PRKCA: variants seen among roughly 807,000 people sequenced by gnomAD.
The protein encoded by PRKCA is protein kinase C alpha, also known as protein kinase C alpha type.
In PRKCA, 27 loss-of-function variants were observed where a neutral mutation model predicts 87.0. That is an observed-to-expected ratio of 0.31 (90% CI 0.23 to 0.43). The LOEUF is 0.43. Ranked by LOEUF, PRKCA falls within the 20% of genes least tolerant of loss-of-function variation. The pLI, the probability that PRKCA is intolerant of heterozygous loss-of-function variation, is 1.00. For synonymous variants in PRKCA, 329 were observed against 311.1 expected, an observed-to-expected ratio of 1.06 and a Z score of -0.61; for missense variants, 518 against 852.3, an observed-to-expected ratio of 0.61 and a Z score of 4.88.
rs922560474 is a variant in PRKCA at position 66,312,309 on chromosome 17, G to A, written c.205+6182G>A. ...AGTTTCCTTTTCTTTACATTTTTTGGTGGTTTCCTGCCCTCCGAGTATTTC... is the reference window on the plus strand; with the variant it reads ...AGTTTCCTTTTCTTTACATTTTTTGATGGTTTCCTGCCCTCCGAGTATTTC... On this transcript the variant is annotated intron_variant, in intron 2 of 16. Coordinates refer to ENST00000413366, the MANE Select transcript of PRKCA (RefSeq NM_002737.3). Among the ~76,000 whole-genome samples the A allele has an allele frequency of 1.1e-4, 17 of 152,200 alleles. No homozygotes were observed. The East Asian group carries it at 3.3e-3, about 29-fold the overall frequency.
intron 3 of PRKCA, among the ~76,000 whole-genome samples, chr17:66,530,831 ATAT>A (rs1042191045): frequency 6.6e-6 from 1 of 151,662 alleles, no homozygotes; most frequent in Non-Finnish European, 1.5e-5. Flanking sequence ...AGAGGTGGTA[ATAT>A]TGGGGCAAGT....
chr17:66,442,821 A>G (rs1030546036), intron 2 of PRKCA, among the ~76,000 whole-genome samples: 19 of 152,160 alleles, frequency 1.2e-4, no homozygotes, highest in African/African-American at 4.6e-4. Flanking sequence ...GCCTTTTCTT[A>G]CATACATGGA....
chr17:66,447,237 G>A (rs1914078519), intron 2 of PRKCA, among the ~76,000 whole-genome samples: 1 of 152,164 alleles, frequency 6.6e-6, no homozygotes, highest in Admixed American at 6.5e-5. Context: ...GTGACAGAGT[G>A]AGAGAGGCCT....
chr17:66,757,293 A>G (rs934922066), intron 13 of PRKCA, among the ~76,000 whole-genome samples: 1 of 152,120 alleles, frequency 6.6e-6, no homozygotes, highest in Admixed American at 6.5e-5. Flanking sequence ...TGCCCTGGGA[A>G]CACTGGAAGG....
At chr17:66,666,828 TC>T (rs1045330057) in intron 5 of PRKCA, among the ~76,000 whole-genome samples, 9 of 151,578 alleles carry the variant, frequency 5.9e-5, no homozygotes, top group South Asian at 2.1e-4. Context: ...ACCCTTTGAA[TC>T]CCCCCCCCAC....
At chr17:66,456,788 A>G (rs1056750761) in intron 2 of PRKCA, among the ~76,000 whole-genome samples, 46 of 152,206 alleles carry the variant, frequency 3.0e-4, no homozygotes, top group African/African-American at 1.1e-3. Flanking sequence ...GGGCCACACC[A>G]TATTTCTGTC....
rs540453160 is a variant in PRKCA, at chr17:66,808,436, C to T, written c.*4399C>T. 6.7e-6 allele frequency: 1 copy of T among 149,530 alleles called. No individual in the cohort carries two copies. Among genetic ancestry groups the T allele is most frequent in the Non-Finnish European group, 1.5e-5 (1 of 67,746 alleles). 9.3% of individuals were successfully genotyped at this position (149,530 alleles called of 1,614,324 possible). A position where few individuals can be genotyped will look rare whatever the true frequency, so the allele number is the denominator to read the frequency against. ...ATACCATCTGACAGTCATTTTCTCA[C>T]GTTGGTCTTCTAAAGTCACCTATTT... is the stretch of plus-strand genomic sequence containing the variant. On this transcript the variant is annotated 3_prime_UTR_variant, in exon 17 of 17. Coordinates refer to ENST00000413366, the MANE Select transcript of PRKCA (RefSeq NM_002737.3).
intron 3 of PRKCA, among the ~76,000 whole-genome samples, chr17:66,523,786 G>A (rs1967250663): frequency 6.6e-6 from 1 of 152,172 alleles, no homozygotes; most frequent in African/African-American, 2.4e-5. Flanking sequence ...GGTCCAGGGT[G>A]GTGCCTGGTG....
chr17:66,720,552 T>C (rs1973589456), intron 8 of PRKCA, among the ~76,000 whole-genome samples: 1 of 152,244 alleles, frequency 6.6e-6, no homozygotes. Context: ...TAACTAACGT[T>C]GCAGTGGGTG....
At chr17:66,415,422 G>A (rs1225366236) in intron 2 of PRKCA, 1 of 152,150 alleles carries the variant, frequency 6.6e-6, no homozygotes, top group Non-Finnish European at 1.5e-5. Flanking sequence ...GAAGCTTGCT[G>A]TAAAGTGGCA....
intron 2 of PRKCA, among the ~76,000 whole-genome samples, chr17:66,428,709 G>T (rs1912944665): frequency 6.6e-6 from 1 of 151,984 alleles, no homozygotes; most frequent in Non-Finnish European, 1.5e-5. Context: ...TCACTATGTT[G>T]CTCAGGCTGG....
chr17:66,445,482 T>C (rs924857771), intron 2 of PRKCA, among the ~76,000 whole-genome samples: 1 of 152,246 alleles, frequency 6.6e-6, no homozygotes, highest in Non-Finnish European at 1.5e-5. Context: ...TCCCCCATTC[T>C]TAGGGCACAG....
chr17:66,494,639 T>A (rs1050019634), intron 2 of PRKCA, among the ~76,000 whole-genome samples: 1 of 152,174 alleles, frequency 6.6e-6, no homozygotes, highest in Non-Finnish European at 1.5e-5. Context: ...CAGTAAAGAC[T>A]TATGACTAAC....
At chr17:66,539,626 G>A (rs941517721) in intron 3 of PRKCA, among the ~76,000 whole-genome samples, 6 of 151,968 alleles carry the variant, frequency 3.9e-5, no homozygotes, top group Non-Finnish European at 5.9e-5. Context: ...GGATAGTCTC[G>A]ATCACCTGAT....
chr17:66,446,272 C>T (rs1914033602), intron 2 of PRKCA, among the ~76,000 whole-genome samples: 1 of 152,146 alleles, frequency 6.6e-6, no homozygotes, highest in Non-Finnish European at 1.5e-5. Flanking sequence ...CACATTCACA[C>T]TCACACTCCC....
At chr17:66,734,642 C>T (rs1165677124) in intron 9 of PRKCA, among the ~76,000 whole-genome samples, 1 of 152,182 alleles carries the variant, frequency 6.6e-6, no homozygotes, top group Non-Finnish European at 1.5e-5. Flanking sequence ...GATACTAGCC[C>T]TGCTGACCTC....
intron 2 of PRKCA, among the ~76,000 whole-genome samples, chr17:66,316,339 G>T (rs937289360): frequency 6.6e-6 from 1 of 152,104 alleles, no homozygotes; most frequent in Non-Finnish European, 1.5e-5. Flanking sequence ...TCAGAACAAA[G>T]TTACAAATAC....
rs149364077 is a variant in PRKCA, at chr17:66,384,183, G to A, written c.205+78056G>A. 2.9e-3 allele frequency among the ~76,000 whole-genome samples: 436 copies of A among 152,260 alleles called. 3 individuals carry two copies. Among genetic ancestry groups the A allele is most frequent in the African/African-American group, 1.0e-2 (414 of 41,542 alleles). On this transcript the variant is annotated intron_variant, in intron 2 of 16. Transcript: ENST00000413366. ...AACAAACTTCTGCCCGCACTTTAGG[G>A]CCAAGAGTATAATTTTCTGCTGTAA... is the stretch of plus-strand genomic sequence containing the variant.
chr17:66,664,402 G>A (rs74859434), intron 5 of PRKCA, among the ~76,000 whole-genome samples: 1 of 152,300 alleles, frequency 6.6e-6, no homozygotes, highest in Admixed American at 6.5e-5. Context: ...GTGAGGCTGT[G>A]CATTTGGTTT....
Sources: gnomAD v4.1 joint callset for allele counts (sites outside exome capture counted in the v4.1 genomes callset) on GRCh38, gnomAD v4.1.1 for gene constraint, MANE v1.5 for transcripts, NCBI Gene and HGNC (gene_info 2026-07-23, HGNC 2026-07-21) for gene names.